Variants in STK10 observed in about 807,000 individuals in gnomAD.
The protein encoded by STK10 is serine/threonine-protein kinase 10.
STK10 carries 78 observed loss-of-function variants against 113.8 expected under a neutral mutation model. The observed-to-expected ratio is 0.69, with a 90% CI of 0.57 to 0.83. The LOEUF (loss-of-function observed/expected upper bound fraction) is 0.83, where lower values mean the gene tolerates loss of function less well. STK10 is among the 40% of genes least tolerant of loss of function. The pLI, the probability that STK10 is intolerant of heterozygous loss-of-function variation, is 0.00. For synonymous variants in STK10, 465 were observed against 494.7 expected (o/e 0.94, Z 0.80); for missense variants, 1,109 against 1,280.1 (o/e 0.87, Z 2.04).
intron 3 of STK10, among the ~76,000 whole-genome samples, chr5:172,122,522 TA>T: frequency 6.6e-6 from 1 of 152,338 alleles, no homozygotes; most frequent in Non-Finnish European, 1.5e-5. Context: ...TTCTCCTTAT[TA>T]AAAAAACTAC....
chr5:172,148,847 C>T (rs930883534), intron 2 of STK10, among the ~76,000 whole-genome samples: 2 of 152,342 alleles, frequency 1.3e-5, no homozygotes, highest in South Asian at 2.1e-4. Context: ...TCCACTCCAC[C>T]GTTCTAACCC....
At chr5:172,154,900 T>C (rs925082160) in intron 2 of STK10, among the ~76,000 whole-genome samples, 7 of 152,138 alleles carry the variant, frequency 4.6e-5, no homozygotes, top group African/African-American at 1.7e-4. Context: ...GTGAAACTCA[T>C]AGCAAAAGGC....
intron 18 of STK10, among the ~76,000 whole-genome samples, chr5:172,048,795 A>G (rs989901683): frequency 7.0e-6 from 1 of 142,552 alleles, no homozygotes. Flanking sequence ...AGTGGCTTCC[A>G]TCTCACACAG....
In STK10 at chr5:172,046,356, CA is replaced by C. The variant is rs34426237; in HGVS notation, c.2767-1335del. On this transcript the variant is annotated intron_variant, in intron 18 of 18. Transcript: ENST00000176763. The stretch of plus-strand genomic sequence containing the variant: ...TGGGTGACAGAGCAAGACTCTGTCT[CA>C]AAAAAAAAAAAAAAAATTTTTTTTA... Among the ~76,000 whole-genome samples, 964 of 123,686 alleles carry C rather than the reference CA, an allele frequency of 7.8e-3. 7 individuals are homozygous for C. Among genetic ancestry groups the C allele is most frequent in the African/African-American group, 0.026 (826 of 31,180 alleles). 81.1% of individuals were successfully genotyped at this position (123,686 alleles called of 152,430 possible).
chr5:172,185,578 T>C (rs1332851487), intron 1 of STK10, among the ~76,000 whole-genome samples: 1 of 152,164 alleles, frequency 6.6e-6, no homozygotes, highest in Non-Finnish European at 1.5e-5. Flanking sequence ...AAAAAACCCA[T>C]ATGTTTAGCA....
chr5:172,053,316 G>A, intron 17 of STK10: 1 of 355,404 alleles, frequency 2.8e-6, no homozygotes, highest in Non-Finnish European at 5.3e-6. Flanking sequence ...CAGCAAGAAG[G>A]CAGCTGTCCG....
At chr5:172,055,885 C>A (rs1767741770) in intron 15 of STK10, 109 bp from the exon 16 acceptor site, 2 of 881,656 alleles carry the variant, frequency 2.3e-6, no homozygotes, top group Non-Finnish European at 3.1e-6. Context: ...ACCAACGCAG[C>A]CCACAATGTT....
chr5:172,182,815 G>A (rs1161946804), intron 1 of STK10, among the ~76,000 whole-genome samples: 1 of 151,984 alleles, frequency 6.6e-6, no homozygotes, highest in African/African-American at 2.4e-5. Context: ...GCCTCTCAAA[G>A]TGCTGAGATT....
At chr5:172,125,406 A>C (rs1769599386) in intron 3 of STK10, among the ~76,000 whole-genome samples, 1 of 148,808 alleles carries the variant, frequency 6.7e-6, no homozygotes, top group Non-Finnish European at 1.5e-5. Flanking sequence ...TTTTTTTGAG[A>C]TGGAGTCTCA....
intron 7 of STK10, 90 bp from the exon 8 acceptor site, chr5:172,096,650 A>G: frequency 2.6e-6 from 4 of 1,550,272 alleles, no homozygotes; most frequent in Non-Finnish European, 3.5e-6. Flanking sequence ...GGGGCAGAAA[A>G]GGCCAGCCTC....
chr5:172,156,914 G>A (rs796532771), intron 1 of STK10, 126 bp from the exon 2 acceptor site: 8 of 1,093,302 alleles, frequency 7.3e-6, no homozygotes, highest in East Asian at 4.9e-5. Flanking sequence ...GAACCGGAAC[G>A]TACATTGTTC....
rs764834646 is a variant in STK10 at position 172,105,669 on chromosome 5, G to A, written c.857C>T (p.Ala286Val). 2.5e-5 allele frequency: 40 copies of A among 1,613,698 alleles called. No homozygotes were observed. Among genetic ancestry groups the A allele is most frequent in the South Asian group, 2.1e-4 (19 of 91,092 alleles). ...GAATCCACTCACCTCCAGCAGCTGC[G>A]CGGCACTGGGTCGGGTTTCTGGGTT... is the stretch of plus-strand genomic sequence containing the variant. ...DKNPETRPSA[A>V]QLLEHPFVSS... Residue 286 changes from alanine to valine, a missense_variant, in exon 7 of 19, where the codon GCG becomes GTG. Ala to Val is a moderately conservative substitution (Grantham distance 64, BLOSUM62 0). This residue lies in a region of STK10 where 885 missense variants were observed against 991.1 expected (regional missense o/e 0.89). Coordinates refer to ENST00000176763, the MANE Select transcript of STK10 (RefSeq NM_005990.4).
In STK10 at chr5:172,082,517, A is replaced by G; in HGVS notation, c.1810-12T>C. On this transcript the variant is annotated splice_polypyrimidine_tract_variant and intron_variant, in intron 11 of 18. Coordinates refer to ENST00000176763, the MANE Select transcript of STK10 (RefSeq NM_005990.4). The surrounding 1 kb of genome is among the most constrained non-coding windows in gnomAD (Gnocchi z 4.3). ...AACTTCTTCTTGGCCTGAAAGGAGC[A>G]GAAATTCTGAGAAACTTAGCGAAGT... is the stretch of plus-strand genomic sequence containing the variant. 6.4e-7 allele frequency: 1 copy of G among 1,561,476 alleles called. No homozygotes were observed. Among genetic ancestry groups the G allele is most frequent in the East Asian group, 2.3e-5 (1 of 43,458 alleles).
At chr5:172,142,699 T>C (rs911942738) in intron 2 of STK10, among the ~76,000 whole-genome samples, 2 of 152,254 alleles carry the variant, frequency 1.3e-5, no homozygotes, top group African/African-American at 4.8e-5. Flanking sequence ...TGGTACATAG[T>C]AAGTCAATGC....
chr5:172,054,497 C>A, intron 17 of STK10, 72 bp downstream of exon 17: 1 of 1,566,990 alleles, frequency 6.4e-7, no homozygotes. Flanking sequence ...AGTTTCTGGC[C>A]CCCTGAGATC....
chr5:172,076,218 C>CTATCCTGTGCATTTGTTGTGGGGGCT (rs377568613), intron 12 of STK10, among the ~76,000 whole-genome samples: 1 of 43,628 alleles, frequency 2.3e-5, no homozygotes. Flanking sequence ...GTTGTGGGGG[C>CTATCCTGTGCATTTGTTGTGGGGGCT]GTCCTGTGCA....
intron 18 of STK10, among the ~76,000 whole-genome samples, chr5:172,046,125 C>A (rs1016783460): frequency 5.9e-5 from 9 of 151,614 alleles, no homozygotes; most frequent in Non-Finnish European, 1.3e-4. Context: ...TTTGGGAGGC[C>A]AAGGCGGGCG....
chr5:172,149,991 G>A (rs1770181142), intron 2 of STK10, among the ~76,000 whole-genome samples: 1 of 145,092 alleles, frequency 6.9e-6, no homozygotes, highest in Non-Finnish European at 1.5e-5. Flanking sequence ...AGGTTGCAGG[G>A]AGCCGAGATC....
chr5:172,054,461 C>G, intron 17 of STK10, 108 bp downstream of exon 17: 1 of 1,496,510 alleles, frequency 6.7e-7, no homozygotes, highest in Non-Finnish European at 9.0e-7. Context: ...CCGGGCGTGT[C>G]TGATGAAGAT....
Sources: gnomAD v4.1 joint callset for allele counts (sites outside exome capture counted in the v4.1 genomes callset) on GRCh38, gnomAD v4.1.1 for gene constraint, gnomAD v4.1.1 regional missense constraint, Gnocchi (gnomAD v3.1) non-coding constraint, MANE v1.5 for transcripts, NCBI Gene and HGNC (gene_info 2026-07-23, HGNC 2026-07-21) for gene names.